PSD3: variants seen among roughly 807,000 people sequenced by gnomAD.
PSD3 encodes pleckstrin and Sec7 domain containing 3.
PSD3 carries 49 observed loss-of-function variants against 105.5 expected under a neutral mutation model. That is an observed-to-expected ratio of 0.46 (90% CI 0.37 to 0.59). The LOEUF (loss-of-function observed/expected upper bound fraction) is 0.59, where lower values mean the gene tolerates loss of function less well. PSD3 is among the 20% of genes least tolerant of loss of function. The pLI is 0.00. For missense variants in PSD3, 1,561 were observed against 1,263.8 expected, an observed-to-expected ratio of 1.24 and a Z score of -3.57; for synonymous variants, 557 against 457.8, an observed-to-expected ratio of 1.22 and a Z score of -2.77.
intron 2 of PSD3, among the ~76,000 whole-genome samples, chr8:18,922,836 G>A (rs1821118550): frequency 6.6e-6 from 1 of 152,168 alleles, no homozygotes; most frequent in Non-Finnish European, 1.5e-5. Flanking sequence ...AAAGGATACA[G>A]ATAAAGGGAT....
chr8:18,756,941 C>T (rs1000632357), intron 9 of PSD3, among the ~76,000 whole-genome samples: 5 of 146,356 alleles, frequency 3.4e-5, no homozygotes, highest in Admixed American at 7.0e-5. Context: ...GCATTCCACA[C>T]GGGCACACTG....
At chr8:18,689,792 T>C (rs1216872561) in intron 9 of PSD3, among the ~76,000 whole-genome samples, 1 of 152,186 alleles carries the variant, frequency 6.6e-6, no homozygotes, top group African/African-American at 2.4e-5. Context: ...GTTATAAAGA[T>C]GCTAATGATT....
intron 12 of PSD3, among the ~76,000 whole-genome samples, chr8:18,589,206 C>T (rs2717734): frequency 0.82 from 123,939 of 151,902 alleles, 52,016 homozygotes; most frequent in South Asian, 0.96. Flanking sequence ...TAGGACTCCA[C>T]AGGAAAACAA....
chr8:18,592,413 C>A (rs546654902), intron 12 of PSD3, among the ~76,000 whole-genome samples: 5 of 152,078 alleles, frequency 3.3e-5, no homozygotes, highest in African/African-American at 1.2e-4. Context: ...TATGGAAATC[C>A]AAGAAAGAGC....
rs908188740 is a variant in PSD3, at chr8:18,530,913, C to A, written c.*4830G>T. The A allele has an allele frequency of 1.3e-5, 2 of 152,168 alleles. No homozygotes were observed. Among genetic ancestry groups the A allele is most frequent in the African/African-American group, 4.8e-5 (2 of 41,426 alleles). 9.4% of individuals were successfully genotyped at this position (152,168 alleles called of 1,614,324 possible). A position where few individuals can be genotyped will look rare whatever the true frequency, so the allele number is the denominator to read the frequency against. ...AAAACAATACCACTATATATACTCTCAACAACTTCATTATATAATCAGTCC... is the reference window on the plus strand; with the variant it reads ...AAAACAATACCACTATATATACTCTAAACAACTTCATTATATAATCAGTCC... On this transcript the variant is annotated 3_prime_UTR_variant, in exon 16 of 16. Coordinates refer to ENST00000327040, the MANE Select transcript of PSD3 (RefSeq NM_015310.4).
At chr8:18,850,252 G>A (rs1428727538) in intron 4 of PSD3, among the ~76,000 whole-genome samples, 1 of 152,188 alleles carries the variant, frequency 6.6e-6, no homozygotes, top group Non-Finnish European at 1.5e-5. Context: ...GTTGCCTCAC[G>A]CTGAAAGATA....
rs140605302 is a variant in PSD3, at chr8:18,757,542, G to T, written c.2172+7907C>A. ...TTTGTTTCTTTTCTACTTCGTTCAG[G>T]TAAGGGACAAAGGGGCAATGAGGAA... On this transcript the variant is annotated intron_variant, in intron 9 of 15. Transcript: ENST00000327040. 3.1e-3 allele frequency among the ~76,000 whole-genome samples: 473 copies of T among 152,288 alleles called. 3 individuals carry two copies. The highest frequency in any genetic ancestry group is 0.011 in the African/African-American group (448 of 41,566).
At chr8:18,559,128 T>G (rs1056307636) in intron 14 of PSD3, among the ~76,000 whole-genome samples, 1 of 151,858 alleles carries the variant, frequency 6.6e-6, no homozygotes, top group Non-Finnish European at 1.5e-5. Context: ...TGAGCAAGAG[T>G]TTTTCTATAG....
intron 4 of PSD3, among the ~76,000 whole-genome samples, chr8:18,841,750 C>CTCTGAAAGACAGGCATAGAAAGAT (rs1200895452): frequency 6.6e-6 from 1 of 152,156 alleles, no homozygotes; most frequent in Non-Finnish European, 1.5e-5. Context: ...TTCAGGAAGT[C>CTCTGAAAGACAGGCATAGAAAGAT]TCTGAAAGAC....
At chr8:18,857,508 T>G (rs1816112292) in intron 4 of PSD3, among the ~76,000 whole-genome samples, 6 of 152,168 alleles carry the variant, frequency 3.9e-5, no homozygotes, top group Admixed American at 3.9e-4. Flanking sequence ...CAGGTGCCAC[T>G]CTAACAAATA....
chr8:18,663,541 T>C (rs1265112502), intron 9 of PSD3, among the ~76,000 whole-genome samples: 1 of 152,186 alleles, frequency 6.6e-6, no homozygotes, highest in East Asian at 1.9e-4. Context: ...CATTTATTTA[T>C]TTTGGGGGTG....
intron 1 of PSD3, among the ~76,000 whole-genome samples, chr8:19,059,714 A>C (rs1314855808): frequency 6.6e-6 from 1 of 152,246 alleles, no homozygotes; most frequent in Non-Finnish European, 1.5e-5. Context: ...AAAAAGAAGA[A>C]AGGTTAGAAA....
At chr8:18,807,734 G>A (rs993039972) in intron 4 of PSD3, among the ~76,000 whole-genome samples, 2 of 152,062 alleles carry the variant, frequency 1.3e-5, no homozygotes, top group Non-Finnish European at 2.9e-5. Context: ...AAAATAAATT[G>A]CTTCATTATG....
intron 1 of PSD3, chr8:18,979,852 T>G (rs952757840): frequency 6.6e-6 from 1 of 152,254 alleles, no homozygotes; most frequent in African/African-American, 2.4e-5. Flanking sequence ...TATCAGGTCT[T>G]TATTGCAGAA....
At chr8:18,652,493 G>GTT (rs67555804) in intron 10 of PSD3, among the ~76,000 whole-genome samples, 15,751 of 92,386 alleles carry the variant, frequency 0.17, 2,480 homozygotes, top group South Asian at 0.31. Flanking sequence ...AAAAAGCTTA[G>GTT]TTTTTTTTTT....
chr8:18,582,812 T>C (rs1802901563), intron 12 of PSD3, among the ~76,000 whole-genome samples: 1 of 113,758 alleles, frequency 8.8e-6, no homozygotes, highest in African/African-American at 3.1e-5. Flanking sequence ...GCAGCCACAC[T>C]GATCTTTTTT....
At chr8:18,998,612 G>A (rs1331003517) in intron 1 of PSD3, among the ~76,000 whole-genome samples, 3 of 151,970 alleles carry the variant, frequency 2.0e-5, no homozygotes, top group South Asian at 2.1e-4. Context: ...GCTTGAACGC[G>A]GGAGGCGGAG....
rs565223824 is a variant in PSD3 at position 18,764,665 on chromosome 8, T to C, written c.2172+784A>G. Reference sequence around the variant, plus strand: ...TATCATATCATACATTTCCATACCATAGCTGATTCAAATGTCACCTTTCTT... The same window carrying C: ...TATCATATCATACATTTCCATACCACAGCTGATTCAAATGTCACCTTTCTT... On this transcript the variant is annotated intron_variant, in intron 9 of 15. Coordinates refer to ENST00000327040, the MANE Select transcript of PSD3 (RefSeq NM_015310.4). Among the ~76,000 whole-genome samples the C allele has an allele frequency of 6.6e-5, 10 of 152,322 alleles. No individual in the cohort carries two copies. In the South Asian group the frequency reaches 1.9e-3, roughly 28 times the overall value.
rs567397106 is a variant in PSD3 at position 18,667,050 on chromosome 8, A to C, written c.2173-11365T>G. Among the ~76,000 whole-genome samples the C allele has an allele frequency of 2.0e-5, 3 of 152,212 alleles. No homozygotes were observed. In the East Asian group the frequency reaches 5.8e-4, roughly 29 times the overall value. On this transcript the variant is annotated intron_variant, in intron 9 of 15. Coordinates refer to ENST00000327040, the MANE Select transcript of PSD3 (RefSeq NM_015310.4). ...GTGGGTTCGTGGTCTCGCTGGCTTC[A>C]GGAGTGAAGCTGCAGACCTTTGTGT... is the stretch of plus-strand genomic sequence containing the variant.
Sources: gnomAD v4.1 joint callset for allele counts (sites outside exome capture counted in the v4.1 genomes callset) on GRCh38, gnomAD v4.1.1 for gene constraint, MANE v1.5 for transcripts, NCBI Gene and HGNC (gene_info 2026-07-23, HGNC 2026-07-21) for gene names.